Variants in CKB observed in about 807,000 individuals in gnomAD.
CKB encodes the protein creatine kinase B-type.
CKB carries 15 observed loss-of-function variants against 36.9 expected under a neutral mutation model. The observed-to-expected ratio is 0.41, with a 90% CI of 0.27 to 0.63. The LOEUF is 0.63. Among genes scored for constraint, CKB ranks in the 20% least tolerant of loss-of-function variants. CKB has a pLI of 0.34. For synonymous variants in CKB, 250 were observed against 228.2 expected, an observed-to-expected ratio of 1.10 and a Z score of -0.86; for missense variants, 413 against 534.9, an observed-to-expected ratio of 0.77 and a Z score of 2.25.
At position 103,521,808 on chromosome 14, in the gene CKB, C is replaced by G. The variant is rs2075903298; in HGVS notation, c.481+10G>C. The G allele has an allele frequency of 2.1e-6, 3 of 1,442,150 alleles. No homozygotes were observed. The highest frequency in any genetic ancestry group is 2.7e-6 in the Non-Finnish European group (3 of 1,103,814). 89.3% of individuals were successfully genotyped at this position (1,442,150 alleles called of 1,614,324 possible). A position where few individuals can be genotyped will look rare whatever the true frequency, so the allele number is the denominator to read the frequency against. ...GGCCGCCGCCGCCCCTCGGCCCGCC[C>G]GGCCCCTACCTTCCACCGCGAGCTT... On this transcript the variant is annotated intron_variant, in intron 4 of 7. Coordinates refer to ENST00000348956, the MANE Select transcript of CKB (RefSeq NM_001823.5).
chr14:103,521,106 CG>C, intron 5 of CKB, 156 bp downstream of exon 5: 1 of 925,962 alleles, frequency 1.1e-6, no homozygotes, highest in Non-Finnish European at 1.7e-6. Context: ...CAGGAGGAGG[CG>C]CGGCACGGAA....
chr14:103,520,937 GAAAAC>G (rs1472710575), intron 5 of CKB: 5 of 529,226 alleles, frequency 9.4e-6, no homozygotes, highest in Non-Finnish European at 1.7e-5. Context: ...AGTGAGAAAA[GAAAAC>G]AAAGAGCTCC....
At position 103,519,831 on chromosome 14, in the gene CKB, G is replaced by A; in HGVS notation, c.*33C>T. 6.4e-7 allele frequency: 1 copy of A among 1,567,762 alleles called. No homozygotes were observed. The highest frequency in any genetic ancestry group is 2.3e-4 in the Middle Eastern group (1 of 4,412). ...CACTGCCCAGGCAATAAGTTAGGAA[G>A]CAGCAGGGCTGGTGTCGGGTGTGGG... On this transcript the variant is annotated 3_prime_UTR_variant, in exon 8 of 8. Transcript: ENST00000348956.
intron 5 of CKB, 122 bp downstream of exon 5, chr14:103,521,141 C>CCCTCCCTCCT: frequency 8.0e-7 from 1 of 1,245,698 alleles, no homozygotes. Flanking sequence ...CGCGGCCGGC[C>CCCTCCCTCCT]CCTCCCTCCT....
Position 103,519,974 on chromosome 14 carries a change from C to CT in CKB, c.1035dup (p.Glu346ArgfsTer71). On this transcript the variant is annotated frameshift_variant, in exon 8 of 8. Coordinates refer to ENST00000348956, the MANE Select transcript of CKB (RefSeq NM_001823.5). LOFTEE classifies it high-confidence loss of function. ...ACCACCATCTGCACCAGCTCCACCT[C>CT]TGAGAAGCCCAGGCGGTCAGCGTTG... is the stretch of plus-strand genomic sequence containing the variant. 6.2e-7 allele frequency: 1 copy of CT among 1,611,220 alleles called. No individual in the cohort carries two copies. Among genetic ancestry groups the CT allele is most frequent in the Non-Finnish European group, 8.5e-7 (1 of 1,179,992 alleles).
chr14:103,520,721 T>C, intron 5 of CKB, 129 bp from the exon 6 acceptor site: 1 of 1,314,358 alleles, frequency 7.6e-7, no homozygotes, highest in Non-Finnish European at 1.0e-6. Flanking sequence ...CTGCCAAGAC[T>C]CCACCCGCCA....
rs750103975 is a variant in CKB at position 103,521,484 on chromosome 14, C to T, written c.482-50G>A. 7 of 1,438,764 alleles carry T rather than the reference C, an allele frequency of 4.9e-6. No homozygotes were observed. The Admixed American group carries it at 1.3e-4, about 28-fold the overall frequency. The allele number at this position is 1,438,764 out of a possible 1,614,324, so 89.1% of individuals were successfully genotyped here. On this transcript the variant is annotated intron_variant, in intron 4 of 7. Transcript: ENST00000348956. The stretch of plus-strand genomic sequence containing the variant: ...TCGGCTCCCGCGCCCGCCCCTCCAG[C>T]CCGCAGCGCGGACCCGCCCGCCCCC...
intron 4 of CKB, 34 bp downstream of exon 4, chr14:103,521,784 G>GA: frequency 7.4e-7 from 1 of 1,354,068 alleles, no homozygotes; most frequent in Non-Finnish European, 9.4e-7. Flanking sequence ...GGGGGACGCG[G>GA]CCGCCGCCGC....
Position 103,522,329 on chromosome 14 carries a change from G to A in CKB, c.165C>T (p.Asp55=), listed in dbSNP as rs1235631392. 6.2e-7 allele frequency: 1 copy of A among 1,608,946 alleles called. No homozygotes were observed. The highest frequency in any genetic ancestry group is 1.3e-5 in the African/African-American group (1 of 74,772). ...KSTPSGFTLD[D]VIQTGVDNPG... ...GGTTGTCCACGCCTGTCTGGATGAC[G>A]TCGTCCAGCGTGAAGCCGCTCGGCG... The change falls in exon 2 of 8, where the codon GAC becomes GAT. Residue 55 remains aspartate (D), a synonymous_variant. Transcript: ENST00000348956. The surrounding 1 kb of genome is among the most constrained non-coding windows in gnomAD (Gnocchi z 6.7).
rs759069468 is a variant in CKB, at chr14:103,522,281, G to C, written c.193+20C>G. 1.3e-6 allele frequency: 2 copies of C among 1,591,726 alleles called. No individual in the cohort carries two copies. Among genetic ancestry groups the C allele is most frequent in the South Asian group, 2.2e-5 (2 of 89,642 alleles). ...CGGGGGGAGGGGGGGCCGGGACCCC[G>C]GCCCCGAGGGGTCGCGTACCCGGGT... is the stretch of plus-strand genomic sequence containing the variant. On this transcript the variant is annotated intron_variant, in intron 2 of 7. Coordinates refer to ENST00000348956, the MANE Select transcript of CKB (RefSeq NM_001823.5). The surrounding 1 kb of genome is among the most constrained non-coding windows in gnomAD (Gnocchi z 6.7).
rs775331914 is a variant in CKB at position 103,521,301 on chromosome 14, C to G, written c.615G>C (p.Ser205=). The G allele has an allele frequency of 7.5e-6, 12 of 1,605,384 alleles. No individual in the cohort carries two copies. Among genetic ancestry groups the G allele is most frequent in the South Asian group, 1.1e-5 (1 of 90,366 alleles). Residue 205 remains serine, a synonymous_variant, in exon 5 of 8, where the codon TCG becomes TCC. Transcript: ENST00000348956. ...CGTCGGGCCAGTCGCGGGCCATGCC[C>G]GAGGCCAGCAGCAGGGGCGACACGG... The part of the protein sequence containing the change: ...DKPVSPLLLA[S]GMARDWPDAR...
rs866780373 is a variant in CKB at position 103,521,602 on chromosome 14, C to T, written c.482-168G>A. 32 of 918,982 alleles carry T rather than the reference C, an allele frequency of 3.5e-5. 1 individual carries two copies. In the South Asian group the frequency reaches 4.5e-4, roughly 13 times the overall value. 56.9% of individuals were successfully genotyped at this position (918,982 alleles called of 1,614,324 possible). ...CCCGGGCGACGGTCCCAGGCGGTGA[C>T]CCCGCGCCAGGACCCGCCCTCCCTG... is the stretch of plus-strand genomic sequence containing the variant. On this transcript the variant is annotated intron_variant, in intron 4 of 7. Coordinates refer to ENST00000348956, the MANE Select transcript of CKB (RefSeq NM_001823.5).
chr14:103,520,364 G>A (rs955669368), intron 6 of CKB, 53 bp from the exon 7 acceptor site: 86 of 1,587,556 alleles, frequency 5.4e-5, no homozygotes, highest in Non-Finnish European at 7.1e-5. Context: ...AACCCCTACA[G>A]GCCCTGAGAC....
Position 103,522,184 on chromosome 14 carries a change from G to T in CKB, c.194-7C>A. 3 of 1,601,766 alleles carry T rather than the reference G, an allele frequency of 1.9e-6. No homozygotes were observed. The highest frequency in any genetic ancestry group is 2.7e-5 in the African/African-American group (2 of 74,772). On this transcript the variant is annotated splice_region_variant and splice_polypyrimidine_tract_variant and intron_variant, in intron 2 of 7. Coordinates refer to ENST00000348956, the MANE Select transcript of CKB (RefSeq NM_001823.5). This position sits in a 1 kb window ranked among gnomAD's most constrained non-coding sequence, Gnocchi z 6.7. Reference sequence around the variant, plus strand: ...GTCATGATGTACGGGTGGCCTGGGGGAGGGGGCGCGGGACGGGGACAGTGA... The same window carrying T: ...GTCATGATGTACGGGTGGCCTGGGGTAGGGGGCGCGGGACGGGGACAGTGA...
At chr14:103,520,779 C>A in intron 5 of CKB, 187 bp from the exon 6 acceptor site, 1 of 798,042 alleles carries the variant, frequency 1.3e-6, no homozygotes, top group Non-Finnish European at 1.9e-6. Flanking sequence ...AGGAGAACCC[C>A]AGCTGCCATC....
At position 103,519,735 on chromosome 14, in the gene CKB, A is replaced by G; in HGVS notation, c.*129T>C. 8.4e-6 allele frequency: 9 copies of G among 1,071,366 alleles called. No homozygotes were observed. The South Asian group carries it at 1.5e-4, about 17-fold the overall frequency. The allele number at this position is 1,071,366 out of a possible 1,614,324, so 66.4% of individuals were successfully genotyped here. On this transcript the variant is annotated 3_prime_UTR_variant, in exon 8 of 8. Transcript: ENST00000348956. ...AGCCATCAAAAAAATAAACTCTACC[A>G]AGGGTGACGGAAGTCTCTACAGCAA...
At chr14:103,521,780 C>A (rs1233910259) in intron 4 of CKB, 38 bp downstream of exon 4, 1 of 1,352,540 alleles carries the variant, frequency 7.4e-7, no homozygotes. Context: ...GGGAGGGGGA[C>A]GCGGCCGCCG....
intron 6 of CKB, 77 bp downstream of exon 6, chr14:103,520,392 C>G: frequency 5.0e-6 from 8 of 1,587,230 alleles, no homozygotes; most frequent in Non-Finnish European, 6.9e-6. Flanking sequence ...TGCCGGAAAT[C>G]CCCCGGGGGG....
chr14:103,520,327 A>T lies in CKB; in HGVS notation c.778-16T>A, dbSNP rs2075891510. The T allele has an allele frequency of 6.3e-7, 1 of 1,594,878 alleles. No individual in the cohort carries two copies. The highest frequency in any genetic ancestry group is 1.3e-5 in the African/African-American group (1 of 74,432). On this transcript the variant is annotated splice_polypyrimidine_tract_variant and intron_variant, in intron 6 of 7. Transcript: ENST00000348956. The stretch of plus-strand genomic sequence containing the variant: ...GAGTTTCAATCTGCAGACGGAGAAG[A>T]GGGTATGAGGGAGAAGGCCTGCCTG...
Sources: allele counts gnomAD v4.1 joint callset, GRCh38; gene constraint gnomAD v4.1.1; non-coding constraint Gnocchi (gnomAD v3.1); transcripts MANE v1.5; gene names NCBI Gene and HGNC (gene_info 2026-07-23, HGNC 2026-07-21).